The following NRG3 variants were observed in gnomAD, a reference collection of about 807,000 sequenced individuals.
NRG3 encodes pro-neuregulin-3, membrane-bound isoform.
A neutral mutation model predicts 66.9 loss-of-function variants in NRG3; 31 were observed. The observed-to-expected ratio is 0.46, with a 90% CI of 0.35 to 0.63. The LOEUF (loss-of-function observed/expected upper bound fraction) is 0.63, where lower values mean the gene tolerates loss of function less well. Among genes scored for constraint, NRG3 ranks in the 20% least tolerant of loss-of-function variants. The pLI, the probability that NRG3 is intolerant of heterozygous loss-of-function variation, is 0.00. For synonymous variants in NRG3, 393 were observed against 359.4 expected (o/e 1.09, Z -1.06); for missense variants, 910 against 878.9 (o/e 1.04, Z -0.45).
chr10:82,253,977 AT>A (rs2077598423), intron 1 of NRG3, among the ~76,000 whole-genome samples: 1 of 152,184 alleles, frequency 6.6e-6, no homozygotes, highest in Non-Finnish European at 1.5e-5. Flanking sequence ...GCTCCCGTTC[AT>A]TACCCAGCTT....
intron 1 of NRG3, among the ~76,000 whole-genome samples, chr10:82,352,884 G>T (rs373992311): frequency 0.01 from 1,421 of 138,596 alleles, 5 homozygotes; most frequent in Admixed American, 0.016. Context: ...TTGCTATGTG[G>T]TTTTTTTTTT....
chr10:82,101,904 G>A (rs1049919649), intron 1 of NRG3, among the ~76,000 whole-genome samples: 1 of 147,998 alleles, frequency 6.8e-6, no homozygotes, highest in Non-Finnish European at 1.5e-5. Flanking sequence ...TAATGAGAGA[G>A]AAGTTTTGAA....
At chr10:82,143,273 A>C (rs1056105197) in intron 1 of NRG3, among the ~76,000 whole-genome samples, 1 of 152,174 alleles carries the variant, frequency 6.6e-6, no homozygotes, top group East Asian at 1.9e-4. Context: ...CTAAATGCAC[A>C]TAAGTTGAGG....
intron 2 of NRG3, among the ~76,000 whole-genome samples, chr10:82,620,688 A>G (rs2048985860): frequency 6.6e-6 from 1 of 152,166 alleles, no homozygotes; most frequent in African/African-American, 2.4e-5. Context: ...TCAGGAGAGA[A>G]TGGGCAAACA....
chr10:82,880,422 G>A (rs908227413), intron 4 of NRG3, among the ~76,000 whole-genome samples: 3 of 152,034 alleles, frequency 2.0e-5, no homozygotes, highest in African/African-American at 7.2e-5. Flanking sequence ...GCCTCTTAAG[G>A]GAATTTTTTT....
intron 1 of NRG3, among the ~76,000 whole-genome samples, chr10:82,319,316 G>T (rs1252454523): frequency 6.6e-6 from 1 of 152,176 alleles, no homozygotes; most frequent in African/African-American, 2.4e-5. Context: ...TTTTCTAAAG[G>T]TTCCAAGAGG....
intron 2 of NRG3, among the ~76,000 whole-genome samples, chr10:82,603,948 A>C (rs187366078): frequency 6.6e-6 from 1 of 152,210 alleles, no homozygotes; most frequent in Admixed American, 6.5e-5. Context: ...AAACATAAAG[A>C]GTTTTCATAT....
chr10:81,946,387 T>C (rs1848842595), intron 1 of NRG3, among the ~76,000 whole-genome samples: 1 of 152,192 alleles, frequency 6.6e-6, no homozygotes, highest in Non-Finnish European at 1.5e-5. Flanking sequence ...TTGTGGTTCT[T>C]TTTAATGGCA....
chr10:82,064,905 A>G (rs1365303384), intron 1 of NRG3, among the ~76,000 whole-genome samples: 1 of 150,376 alleles, frequency 6.6e-6, no homozygotes, highest in Admixed American at 6.6e-5. Flanking sequence ...TGTTGAAGAT[A>G]CTCTTAAATA....
At chr10:82,304,146 G>A (rs977868589) in intron 1 of NRG3, among the ~76,000 whole-genome samples, 1 of 152,030 alleles carries the variant, frequency 6.6e-6, no homozygotes, top group Non-Finnish European at 1.5e-5. Context: ...GGAAATCCCT[G>A]TCTTCCTGCA....
intron 2 of NRG3, among the ~76,000 whole-genome samples, chr10:82,695,015 A>G (rs1431012976): frequency 6.6e-6 from 1 of 152,096 alleles, no homozygotes; most frequent in Non-Finnish European, 1.5e-5. Flanking sequence ...TTACAATTAC[A>G]ATCTCAAATA....
chr10:82,845,812 A>G (rs1281164788), intron 3 of NRG3, among the ~76,000 whole-genome samples: 1 of 152,176 alleles, frequency 6.6e-6, no homozygotes, highest in Non-Finnish European at 1.5e-5. Flanking sequence ...GAATCACAAA[A>G]AGTACTAAGA....
chr10:82,577,323 C>A (rs540766507), intron 2 of NRG3, among the ~76,000 whole-genome samples: 3 of 151,546 alleles, frequency 2.0e-5, no homozygotes, highest in African/African-American at 7.3e-5. Flanking sequence ...TAACAGAAGT[C>A]GTCAATATGT....
In NRG3 at chr10:81,914,769, C is replaced by CAAAAAAAA. The variant is rs58460918; in HGVS notation, c.823+38619_823+38626dup. Among the ~76,000 whole-genome samples the CAAAAAAAA allele has an allele frequency of 5.4e-3, 361 of 66,838 alleles. 1 individual carries two copies. The highest frequency in any genetic ancestry group is 0.012 in the East Asian group (28 of 2,308). 43.8% of individuals were successfully genotyped at this position (66,838 alleles called of 152,430 possible). ...ATAGCCTGTCTTTAAAAACAGAAAG[C>CAAAAAAAA]AAAAAAAAAAAAAAAAAAAAGAAAG... On this transcript the variant is annotated intron_variant, in intron 1 of 8. Transcript: ENST00000372141.
chr10:82,487,696 A>G (rs1590313955), intron 2 of NRG3, among the ~76,000 whole-genome samples: 1 of 152,324 alleles, frequency 6.6e-6, no homozygotes, highest in Non-Finnish European at 1.5e-5. Context: ...CCTTTATGTT[A>G]TTGATTTATT....
chr10:82,483,194 T>C (rs1842423361), intron 2 of NRG3, among the ~76,000 whole-genome samples: 1 of 152,228 alleles, frequency 6.6e-6, no homozygotes, highest in African/African-American at 2.4e-5. Context: ...GCCTGGCCTT[T>C]GCTAGAGAAC....
chr10:82,660,759 C>A (rs889786584), intron 2 of NRG3, among the ~76,000 whole-genome samples: 2 of 152,040 alleles, frequency 1.3e-5, no homozygotes, highest in African/African-American at 4.8e-5. Flanking sequence ...CTTTTTCTGT[C>A]AATTTATTAA....
intron 1 of NRG3, among the ~76,000 whole-genome samples, chr10:81,890,869 C>G (rs1168039743): frequency 1.3e-5 from 2 of 152,184 alleles, no homozygotes; most frequent in African/African-American, 4.8e-5. Flanking sequence ...TACTTTTAAA[C>G]TCAGACACTT....
chr10:82,520,717 A>G (rs1222399670), intron 2 of NRG3, among the ~76,000 whole-genome samples: 1 of 152,196 alleles, frequency 6.6e-6, no homozygotes, highest in Non-Finnish European at 1.5e-5. Flanking sequence ...TTCTCAAAAT[A>G]TATTGGTCAT....
Sources: allele counts gnomAD v4.1 joint callset (sites outside exome capture counted in the v4.1 genomes callset), GRCh38; gene constraint gnomAD v4.1.1; transcripts MANE v1.5; gene names NCBI Gene and HGNC (gene_info 2026-07-23, HGNC 2026-07-21).